The following PCSK5 variants were observed in gnomAD, a reference collection of about 807,000 sequenced individuals.
PCSK5 encodes proprotein convertase subtilisin/kexin type 5.
Under a neutral mutation model 233.2 loss-of-function variants are expected in PCSK5, and 129 were observed. The ratio of observed to expected loss-of-function variants is 0.55; its 90% CI spans 0.48 to 0.64. The LOEUF (loss-of-function observed/expected upper bound fraction) is 0.64, where lower values mean the gene tolerates loss of function less well. Ranked by LOEUF, PCSK5 falls within the 30% of genes least tolerant of loss-of-function variation. PCSK5 has a pLI of 0.00. For synonymous variants in PCSK5, 825 were observed against 879.2 expected (o/e 0.94, Z 1.09); for missense variants, 2,076 against 2,430.1 (o/e 0.85, Z 3.06).
At chr9:76,272,497 A>G (rs1827546662) in intron 24 of PCSK5, among the ~76,000 whole-genome samples, 1 of 152,090 alleles carries the variant, frequency 6.6e-6, no homozygotes, top group African/African-American at 2.4e-5. Flanking sequence ...ACTCCCAGCC[A>G]GGCGCAGTGG....
intron 9 of PCSK5, among the ~76,000 whole-genome samples, chr9:76,108,476 C>T (rs1049673693): frequency 4.6e-5 from 7 of 152,160 alleles, no homozygotes; most frequent in South Asian, 4.1e-4. Flanking sequence ...ACCGTGTGGC[C>T]GGGCGCGGTG....
In PCSK5 at chr9:76,308,569, G is replaced by T. The variant is rs551150841; in HGVS notation, c.3605-76G>T. 7 of 814,828 alleles carry T rather than the reference G, an allele frequency of 8.6e-6. No homozygotes were observed. The East Asian group carries it at 1.8e-4, about 21-fold the overall frequency. The allele number at this position is 814,828 out of a possible 1,614,324, so 50.5% of individuals were successfully genotyped here. A position where few individuals can be genotyped will look rare whatever the true frequency, so the allele number is the denominator to read the frequency against. On this transcript the variant is annotated intron_variant, in intron 28 of 37. Coordinates refer to ENST00000674117, the MANE Select transcript of PCSK5 (RefSeq NM_001372043.1). ...CAGGAAAAGAGACTAGGTAACCCAT[G>T]AGATCTTTTTCAGTACTGGAATCCT... is the stretch of plus-strand genomic sequence containing the variant.
chr9:75,945,319 A>G (rs1197708356), intron 2 of PCSK5, among the ~76,000 whole-genome samples: 3 of 152,024 alleles, frequency 2.0e-5, no homozygotes, highest in Admixed American at 2.0e-4. Flanking sequence ...TGCTGAAGCC[A>G]AAAATGGAAC....
intron 20 of PCSK5, among the ~76,000 whole-genome samples, chr9:76,223,115 A>C (rs767443859): frequency 2.6e-5 from 4 of 152,338 alleles, no homozygotes; most frequent in Non-Finnish European, 5.9e-5. Context: ...CTGAATTCTC[A>C]TCAAATTCCT....
At chr9:76,220,750 T>G (rs1825704220) in intron 20 of PCSK5, among the ~76,000 whole-genome samples, 1 of 152,204 alleles carries the variant, frequency 6.6e-6, no homozygotes, top group South Asian at 2.1e-4. Flanking sequence ...CCTCACATAC[T>G]TATTTTTTGT....
intron 3 of PCSK5, among the ~76,000 whole-genome samples, chr9:76,002,917 C>G (rs1827320934): frequency 6.6e-6 from 1 of 152,186 alleles, no homozygotes; most frequent in South Asian, 2.1e-4. Flanking sequence ...CAGTTCAAGT[C>G]TAATACGAAA....
chr9:76,220,514 A>G, intron 20 of PCSK5, among the ~76,000 whole-genome samples: 1 of 134,340 alleles, frequency 7.4e-6, no homozygotes, highest in African/African-American at 2.8e-5. Context: ...GCGACCGAGC[A>G]AGACTCTGTC....
intron 3 of PCSK5, among the ~76,000 whole-genome samples, chr9:75,996,827 T>TC (rs1347724386): frequency 6.6e-6 from 1 of 151,864 alleles, no homozygotes; most frequent in Non-Finnish European, 1.5e-5. Context: ...TTTTTTTTTT[T>TC]TTTTTATCAA....
At chr9:75,960,423 GA>G (rs1162775271) in intron 2 of PCSK5, among the ~76,000 whole-genome samples, 1 of 152,112 alleles carries the variant, frequency 6.6e-6, no homozygotes, top group Non-Finnish European at 1.5e-5. Context: ...TCCCTGAAAG[GA>G]AATAGGGGCT....
At chr9:76,169,924 A>G in intron 13 of PCSK5, 84 bp downstream of exon 13, 1 of 1,066,904 alleles carries the variant, frequency 9.4e-7, no homozygotes, top group African/African-American at 1.6e-5. Flanking sequence ...TCACACTCAC[A>G]TATTAGCATC....
chr9:76,250,308 G>A (rs892804239), intron 24 of PCSK5, among the ~76,000 whole-genome samples: 2 of 152,044 alleles, frequency 1.3e-5, no homozygotes, highest in African/African-American at 2.4e-5. Flanking sequence ...CTCAAAATAA[G>A]AAAGAAAGTG....
chr9:76,040,375 CT>C (rs1829056793), intron 5 of PCSK5, among the ~76,000 whole-genome samples: 1 of 66,008 alleles, frequency 1.5e-5, no homozygotes, highest in African/African-American at 7.2e-5. Context: ...CTCTCTCTCT[CT>C]CTCTCTCTGT....
At chr9:76,003,530 T>C (rs1827348167) in intron 3 of PCSK5, among the ~76,000 whole-genome samples, 1 of 152,234 alleles carries the variant, frequency 6.6e-6, no homozygotes, top group African/African-American at 2.4e-5. Flanking sequence ...AATATTCTTT[T>C]CTGTCTCTTT....
chr9:76,038,524 A>G (rs528341717), intron 5 of PCSK5, among the ~76,000 whole-genome samples: 1 of 152,242 alleles, frequency 6.6e-6, no homozygotes, highest in African/African-American at 2.4e-5. Context: ...TTTCCAAAGG[A>G]GTGGGAAATA....
chr9:76,061,234 T>C (rs1394914043), intron 5 of PCSK5, among the ~76,000 whole-genome samples: 1 of 152,120 alleles, frequency 6.6e-6, no homozygotes, highest in Non-Finnish European at 1.5e-5. Flanking sequence ...TTCAAACACA[T>C]GGAACATTTA....
chr9:75,997,448 T>A (rs906005845), intron 3 of PCSK5, among the ~76,000 whole-genome samples: 18 of 152,206 alleles, frequency 1.2e-4, no homozygotes, highest in Non-Finnish European at 2.2e-4. Context: ...ATATGATTTT[T>A]CCAGTTTCTC....
chr9:76,160,795 G>T (rs1196129867), intron 12 of PCSK5, among the ~76,000 whole-genome samples: 1 of 151,162 alleles, frequency 6.6e-6, no homozygotes, highest in Non-Finnish European at 1.5e-5. Context: ...TTTTGAGATG[G>T]AGTCTTGCTC....
chr9:75,944,017 G>T (rs1350832836), intron 2 of PCSK5, among the ~76,000 whole-genome samples: 1 of 151,930 alleles, frequency 6.6e-6, no homozygotes. Context: ...AAAAAAATCA[G>T]CTGGGTGTAG....
chr9:75,925,671 T>G (rs760489749), intron 1 of PCSK5, among the ~76,000 whole-genome samples: 1 of 152,096 alleles, frequency 6.6e-6, no homozygotes, highest in Non-Finnish European at 1.5e-5. Context: ...CCTGGAGATT[T>G]CTGGAGGAGC....
Sources: gnomAD v4.1 joint callset for allele counts (sites outside exome capture counted in the v4.1 genomes callset) on GRCh38, gnomAD v4.1.1 for gene constraint, MANE v1.5 for transcripts, NCBI Gene and HGNC (gene_info 2026-07-23, HGNC 2026-07-21) for gene names.